Variants in PRKCE observed in about 807,000 individuals in gnomAD.
The protein encoded by PRKCE is protein kinase C epsilon, also known as protein kinase C epsilon type.
In PRKCE, 16 loss-of-function variants were observed where a neutral mutation model predicts 85.4. That is an observed-to-expected ratio of 0.19 (90% CI 0.13 to 0.28). The LOEUF is 0.28. Ranked by LOEUF, PRKCE falls within the 10% of genes least tolerant of loss-of-function variation. The probability of loss-of-function intolerance (pLI) is 1.00; values close to 1 mark genes in which losing one functional copy is unlikely to be tolerated. For missense variants in PRKCE, 573 were observed against 975.2 expected, an observed-to-expected ratio of 0.59 and a Z score of 5.49; for synonymous variants, 388 against 371.5, an observed-to-expected ratio of 1.04 and a Z score of -0.51.
rs17034641 is a variant in PRKCE, at chr2:46,145,505, G to A, written c.1731+274G>A. 0.16 allele frequency among the ~76,000 whole-genome samples: 23,849 copies of A among 152,184 alleles called. 2,016 individuals are homozygous for A. Among genetic ancestry groups the A allele is most frequent in the Middle Eastern group, 0.27 (80 of 294 alleles). On this transcript the variant is annotated intron_variant, in intron 12 of 14. Transcript: ENST00000306156. This position sits in a 1 kb window ranked among gnomAD's most constrained non-coding sequence, Gnocchi z 4.6. ...CACTGAACATCTCTTTCCCATCCTA[G>A]TCCAGAACCACCAATAAATCTAGGA... is the stretch of plus-strand genomic sequence containing the variant.
At position 45,743,535 on chromosome 2, in the gene PRKCE, G is replaced by A. The variant is rs180896800; in HGVS notation, c.348+91087G>A. Reference sequence around the variant, plus strand: ...GCTTTTTTGCCTTTGAAGTTGCTCCGGAGAAAGGAACCAGGGGGAGCTGAT... The same window carrying A: ...GCTTTTTTGCCTTTGAAGTTGCTCCAGAGAAAGGAACCAGGGGGAGCTGAT... On this transcript the variant is annotated intron_variant, in intron 1 of 14. Transcript: ENST00000306156. 4.9e-3 allele frequency among the ~76,000 whole-genome samples: 736 copies of A among 151,562 alleles called. 3 individuals carry two copies. The highest frequency in any genetic ancestry group is 0.01 in the Middle Eastern group (3 of 294).
chr2:45,790,438 A>G (rs1408168313), intron 1 of PRKCE, among the ~76,000 whole-genome samples: 3 of 152,228 alleles, frequency 2.0e-5, no homozygotes, highest in Non-Finnish European at 2.9e-5. Context: ...AGGGCCTGTG[A>G]TATTTTTAGC....
At position 45,907,027 on chromosome 2, in the gene PRKCE, G is replaced by C. The variant is rs1366516075; in HGVS notation, c.412+63964G>C. ...ATAATCCCCTGCAGGGACCAGGCTG[G>C]ATGGGGCCCCAGTTGCTCCAAAATT... On this transcript the variant is annotated intron_variant, in intron 2 of 14. Transcript: ENST00000306156. The surrounding 1 kb of genome is among the most constrained non-coding windows in gnomAD (Gnocchi z 4.5). Among the ~76,000 whole-genome samples the C allele has an allele frequency of 1.3e-5, 2 of 152,184 alleles. No individual in the cohort carries two copies. The highest frequency in any genetic ancestry group is 6.5e-5 in the Admixed American group (1 of 15,276).
In PRKCE at chr2:46,152,937, A is replaced by G. The variant is rs962992129; in HGVS notation, c.1920+1708A>G. 2.0e-5 allele frequency among the ~76,000 whole-genome samples: 3 copies of G among 152,172 alleles called. No individual in the cohort carries two copies. In the South Asian group the frequency reaches 6.2e-4, roughly 32 times the overall value. On this transcript the variant is annotated intron_variant, in intron 13 of 14. Coordinates refer to ENST00000306156, the MANE Select transcript of PRKCE (RefSeq NM_005400.3). The stretch of plus-strand genomic sequence containing the variant: ...CATGTACCATGTTTTAGAAAACTCC[A>G]CATCAGAACATGTTACCCTTTTCTG...
chr2:45,863,921 G>A (rs10179520), intron 2 of PRKCE, among the ~76,000 whole-genome samples: 56,390 of 151,994 alleles, frequency 0.37, 11,660 homozygotes, highest in East Asian at 0.52. Flanking sequence ...GGCAGCAGAC[G>A]GCCCAATTCA....
intron 11 of PRKCE, among the ~76,000 whole-genome samples, chr2:46,107,994 T>C (rs7561820): frequency 0.42 from 64,046 of 152,062 alleles, 14,652 homozygotes; most frequent in East Asian, 0.53. Flanking sequence ...AGTGGTGTGA[T>C]CCTAGCTCGC....
At chr2:45,891,798 A>C (rs1176119666) in intron 2 of PRKCE, among the ~76,000 whole-genome samples, 1 of 152,178 alleles carries the variant, frequency 6.6e-6, no homozygotes, top group African/African-American at 2.4e-5. Flanking sequence ...TAAAAATGCC[A>C]TGTGCACCTG....
At chr2:45,851,799 T>C (rs1376663188) in intron 2 of PRKCE, 2 of 152,182 alleles carry the variant, frequency 1.3e-5, no homozygotes, top group Non-Finnish European at 2.9e-5. Context: ...CCACAAAGAA[T>C]GCTCTCCGTT....
At chr2:45,932,344 G>T (rs924196045) in intron 2 of PRKCE, among the ~76,000 whole-genome samples, 1 of 152,196 alleles carries the variant, frequency 6.6e-6, no homozygotes, top group Admixed American at 6.5e-5. Context: ...CAGTTTAGGG[G>T]TAGTATGAAT....
intron 10 of PRKCE, among the ~76,000 whole-genome samples, chr2:46,021,982 T>A (rs1265880708): frequency 6.6e-6 from 1 of 152,106 alleles, no homozygotes; most frequent in Non-Finnish European, 1.5e-5. Context: ...GCTTTCCCCA[T>A]ATAACCCGAA....
At chr2:45,746,065 A>T (rs1374268007) in intron 1 of PRKCE, among the ~76,000 whole-genome samples, 1 of 152,148 alleles carries the variant, frequency 6.6e-6, no homozygotes, top group Admixed American at 6.5e-5. Context: ...TTAGGCAGCA[A>T]TCCTAAGTAT....
chr2:45,694,064 G>C (rs145732711), intron 1 of PRKCE, among the ~76,000 whole-genome samples: 1 of 151,658 alleles, frequency 6.6e-6, no homozygotes, highest in African/African-American at 2.4e-5. Flanking sequence ...CACAGATTTT[G>C]TGGTTATTTA....
chr2:46,061,610 T>C (rs1667131363), intron 10 of PRKCE, among the ~76,000 whole-genome samples: 1 of 152,084 alleles, frequency 6.6e-6, no homozygotes, highest in Admixed American at 6.5e-5. Flanking sequence ...TATAAACTTA[T>C]GAAAGAGGAA....
intron 6 of PRKCE, among the ~76,000 whole-genome samples, chr2:45,992,566 G>C (rs1321081796): frequency 1.3e-5 from 2 of 152,146 alleles, no homozygotes; most frequent in Non-Finnish European, 2.9e-5. Context: ...TCTGAGCTTG[G>C]CATGACTGGA....
At chr2:45,803,113 A>G (rs182681911) in intron 1 of PRKCE, among the ~76,000 whole-genome samples, 28 of 152,370 alleles carry the variant, frequency 1.8e-4, no homozygotes, top group Non-Finnish European at 1.0e-4. Context: ...CTTAAAGAGA[A>G]ATTCAAAATT....
chr2:45,923,697 G>A (rs900136652), intron 2 of PRKCE, among the ~76,000 whole-genome samples: 4 of 152,214 alleles, frequency 2.6e-5, no homozygotes, highest in Non-Finnish European at 4.4e-5. Flanking sequence ...CACAGACTTT[G>A]TGGTATAGGA....
At chr2:45,724,878 A>G (rs7594461) in intron 1 of PRKCE, among the ~76,000 whole-genome samples, 4,052 of 152,332 alleles carry the variant, frequency 0.027, 154 homozygotes, top group African/African-American at 0.075. Flanking sequence ...AGCCATCTCC[A>G]TAACATAAAA....
intron 2 of PRKCE, among the ~76,000 whole-genome samples, chr2:45,906,008 A>G (rs1347805034): frequency 1.3e-5 from 2 of 152,066 alleles, no homozygotes; most frequent in Non-Finnish European, 2.9e-5. Context: ...TACCCACATG[A>G]CCCGGGTATG....
At chr2:45,986,205 A>G (rs1703309739) in intron 6 of PRKCE, among the ~76,000 whole-genome samples, 1 of 152,240 alleles carries the variant, frequency 6.6e-6, no homozygotes, top group African/African-American at 2.4e-5. Context: ...GACACGAAAC[A>G]TGGGGTTGGA....
Sources: gnomAD v4.1 joint callset for allele counts (sites outside exome capture counted in the v4.1 genomes callset) on GRCh38, gnomAD v4.1.1 for gene constraint, Gnocchi (gnomAD v3.1) non-coding constraint, MANE v1.5 for transcripts, NCBI Gene and HGNC (gene_info 2026-07-23, HGNC 2026-07-21) for gene names.